The following OPRL1 variants were observed in gnomAD, a reference collection of about 807,000 sequenced individuals.
OPRL1 encodes the protein opioid related nociceptin receptor 1, also known as nociceptin receptor.
OPRL1 carries 5 observed loss-of-function variants against 15.5 expected under a neutral mutation model. That is an observed-to-expected ratio of 0.32 (90% confidence interval 0.17 to 0.68). The LOEUF is 0.68. Ranked by LOEUF, OPRL1 falls within the 30% of genes least tolerant of loss-of-function variation. The pLI is 0.72. For missense variants in OPRL1, 406 were observed against 515.3 expected (o/e 0.79, Z 2.05); for synonymous variants, 223 against 230.2 (o/e 0.97, Z 0.28).
rs2060104232 is a variant in OPRL1, at chr20:64,089,985, C to T, written c.-184-1981C>T. 1.3e-5 allele frequency among the ~76,000 whole-genome samples: 2 copies of T among 152,206 alleles called. No individual in the cohort carries two copies. The highest frequency in any genetic ancestry group is 4.1e-4 in the South Asian group (2 of 4,830). On this transcript the variant is annotated intron_variant, in intron 1 of 4. Transcript: ENST00000336866. This position sits in a 1 kb window ranked among gnomAD's most constrained non-coding sequence, Gnocchi z 5.5. ...TCTCGGCTCCTGAGGTCAGGGGGCT[C>T]ACCCTCGAGCTTTGCCTGGAGAGCG...
chr20:64,083,818 C>G lies in OPRL1; in HGVS notation c.-185+3466C>G. On this transcript the variant is annotated intron_variant, in intron 1 of 4. Coordinates refer to ENST00000336866, the MANE Select transcript of OPRL1 (RefSeq NM_182647.4). The surrounding 1 kb of genome is among the most constrained non-coding windows in gnomAD (Gnocchi z 4.9). ...CTGCCCTCCGACCCCCTCGCCTCAC[C>G]CGCATGCGGGTGTAGCGCAGCCGCA... 2.2e-6 allele frequency: 3 copies of G among 1,359,536 alleles called. No homozygotes were observed. In the South Asian group the frequency reaches 5.2e-5, roughly 24 times the overall value. The allele number at this position is 1,359,536 out of a possible 1,614,324, so 84.2% of individuals were successfully genotyped here. A position where few individuals can be genotyped will look rare whatever the true frequency, so the allele number is the denominator to read the frequency against.
In OPRL1 at chr20:64,100,546, G is replaced by T. The variant is rs993940145; in HGVS notation, c.*1747G>T. The T allele has an allele frequency of 1.3e-5, 2 of 152,240 alleles. No individual in the cohort carries two copies. The highest frequency in any genetic ancestry group is 2.4e-5 in the African/African-American group (1 of 41,450). The allele number at this position is 152,240 out of a possible 1,614,324, so 9.4% of individuals were successfully genotyped here. A position where few individuals can be genotyped will look rare whatever the true frequency, so the allele number is the denominator to read the frequency against. Reference sequence around the variant, plus strand: ...TCACGTATTTATGCATGTGGCAAGCGTTACTTCCTGTGCACGTAGCCAGCC... The same window carrying T: ...TCACGTATTTATGCATGTGGCAAGCTTTACTTCCTGTGCACGTAGCCAGCC... On this transcript the variant is annotated 3_prime_UTR_variant, in exon 5 of 5. Transcript: ENST00000336866.
At chr20:64,091,613 G>T (rs930628625) in intron 1 of OPRL1, among the ~76,000 whole-genome samples, 8 of 152,178 alleles carry the variant, frequency 5.3e-5, no homozygotes, top group African/African-American at 1.7e-4. Flanking sequence ...CGGGAGCCCA[G>T]CTGGGGGGTC....
chr20:64,091,710 C>G (rs999002268), intron 1 of OPRL1, among the ~76,000 whole-genome samples: 3 of 152,148 alleles, frequency 2.0e-5, no homozygotes, highest in African/African-American at 7.2e-5. Flanking sequence ...TGTCCTGTGT[C>G]TCCAATCCTG....
Position 64,097,741 on chromosome 20 carries a change from T to G in OPRL1, c.234-61T>G, listed in dbSNP as rs1457667729. 2 of 1,479,850 alleles carry G rather than the reference T, an allele frequency of 1.4e-6. No individual in the cohort carries two copies. Among genetic ancestry groups the G allele is most frequent in the African/African-American group, 2.8e-5 (2 of 72,192 alleles). The allele number at this position is 1,479,850 out of a possible 1,614,324, so 91.7% of individuals were successfully genotyped here. A position where few individuals can be genotyped will look rare whatever the true frequency, so the allele number is the denominator to read the frequency against. On this transcript the variant is annotated intron_variant, in intron 3 of 4. Coordinates refer to ENST00000336866, the MANE Select transcript of OPRL1 (RefSeq NM_182647.4). This position sits in a 1 kb window ranked among gnomAD's most constrained non-coding sequence, Gnocchi z 4.2. ...GGTGGCCAAGAGGAGCCCCTTGCCC[T>G]TTGCTGCCTGGTCCAGCCAGCATGG...
At chr20:64,092,557 G>A (rs1010638112) in intron 2 of OPRL1, 131 bp from the exon 3 acceptor site, 7 of 633,342 alleles carry the variant, frequency 1.1e-5, no homozygotes, top group African/African-American at 1.8e-5. Flanking sequence ...GTGTGTGCCC[G>A]TGTGCCTCAG....
At chr20:64,092,504 T>C (rs2060129872) in intron 2 of OPRL1, among the ~76,000 whole-genome samples, 184 bp from the exon 3 acceptor site, 1 of 152,162 alleles carries the variant, frequency 6.6e-6, no homozygotes, top group Non-Finnish European at 1.5e-5. Context: ...TCCTCGTGTC[T>C]CCATGTGTCC....
chr20:64,092,630 G>C (rs888163931), intron 2 of OPRL1, 58 bp from the exon 3 acceptor site: 5 of 1,379,986 alleles, frequency 3.6e-6, no homozygotes, highest in Non-Finnish European at 5.0e-6. Context: ...TGGGTTGTGA[G>C]GCCTCCGCTG....
rs2145624985 is a variant in OPRL1, at chr20:64,097,448, T to G, written c.234-354T>G. Among the ~76,000 whole-genome samples the G allele has an allele frequency of 6.6e-6, 1 of 152,344 alleles. No individual in the cohort carries two copies. The highest frequency in any genetic ancestry group is 1.5e-5 in the Non-Finnish European group (1 of 68,034). ...AAGCAAGGGGAGCAGACTCTTTCCC[T>G]TAGGGCTCTAAACCTTTGCTCCTGT... On this transcript the variant is annotated intron_variant, in intron 3 of 4. Transcript: ENST00000336866. The surrounding 1 kb of genome is among the most constrained non-coding windows in gnomAD (Gnocchi z 4.2).
chr20:64,088,471 G>C (rs1001029532), intron 1 of OPRL1, among the ~76,000 whole-genome samples: 1 of 151,406 alleles, frequency 6.6e-6, no homozygotes, highest in East Asian at 2.0e-4. Context: ...GTCCAGGGAG[G>C]GCAGGATCTG....
chr20:64,088,910 A>AAG (rs1289218034), intron 1 of OPRL1, among the ~76,000 whole-genome samples: 2 of 147,560 alleles, frequency 1.4e-5, no homozygotes, highest in Admixed American at 1.3e-4. Context: ...GGGTCTGTGC[A>AAG]GAGTGGCCAG....
intron 1 of OPRL1, chr20:64,084,940 A>AGAACCTCC (rs1285561572): frequency 6.6e-6 from 1 of 152,238 alleles, no homozygotes; most frequent in Non-Finnish European, 1.5e-5. Flanking sequence ...TCTGGTCGGA[A>AGAACCTCC]GAACCTCCGC....
chr20:64,097,875 A>G lies in OPRL1; in HGVS notation c.307A>G (p.Thr103Ala), dbSNP rs1281246965. ...LALADTLVLL[T>A]LPFQGTDILL... ...CCTGGCCGACACTCTGGTCCTGCTG[A>G]CGCTGCCCTTCCAGGGCACGGACAT... The change falls in exon 4 of 5, where the codon ACG (threonine) becomes GCG (alanine). Residue 103 changes from threonine (T) to alanine (A), a missense_variant. Transcript: ENST00000336866. This position sits in a 1 kb window ranked among gnomAD's most constrained non-coding sequence, Gnocchi z 4.2. The G allele has an allele frequency of 6.2e-7, 1 of 1,613,596 alleles. No homozygotes were observed. The highest frequency in any genetic ancestry group is 1.7e-5 in the Admixed American group (1 of 60,026).
chr20:64,080,967 T>G lies in OPRL1; in HGVS notation c.-185+615T>G, dbSNP rs557528962. Reference sequence around the variant, plus strand: ...CATTCAACGGACAAGTATCAGTATCTGGGTGCCCCTGTGGGCCAGGCAGTA... The same window carrying G: ...CATTCAACGGACAAGTATCAGTATCGGGGTGCCCCTGTGGGCCAGGCAGTA... On this transcript the variant is annotated intron_variant, in intron 1 of 4. Transcript: ENST00000336866. Among the ~76,000 whole-genome samples, 41 of 152,196 alleles carry G rather than the reference T, an allele frequency of 2.7e-4. No homozygotes were observed. The South Asian group carries it at 8.3e-3, about 31-fold the overall frequency.
chr20:64,088,485 A>AGG (rs2060075681), intron 1 of OPRL1, among the ~76,000 whole-genome samples: 1 of 150,218 alleles, frequency 6.7e-6, no homozygotes, highest in African/African-American at 2.5e-5. Context: ...GGATCTGTAC[A>AGG]GAGGGACCAA....
In OPRL1 at chr20:64,092,756, T is replaced by A; in HGVS notation, c.36T>A (p.Val12=). Residue 12 remains valine (V), a synonymous_variant, in exon 3 of 5, where the codon GTT becomes GTA. Transcript: ENST00000336866. ...EPLFPAPFWE[V]IYGSHLQGNL... ...TCTTCCCCGCGCCGTTCTGGGAGGT[T>A]ATCTACGGCAGCCACCTTCAGGGCA... 1.2e-6 allele frequency: 2 copies of A among 1,612,706 alleles called. No individual in the cohort carries two copies. The highest frequency in any genetic ancestry group is 1.7e-6 in the Non-Finnish European group (2 of 1,179,938).
At chr20:64,084,064 C>A (rs1027618895) in intron 1 of OPRL1, 1 of 1,498,680 alleles carries the variant, frequency 6.7e-7, no homozygotes, top group Non-Finnish European at 8.8e-7. Flanking sequence ...GGAGCATGGC[C>A]GCCAGTCCCT....
chr20:64,096,300 C>A (rs967629288), intron 3 of OPRL1, among the ~76,000 whole-genome samples: 3 of 152,066 alleles, frequency 2.0e-5, no homozygotes, highest in Admixed American at 6.5e-5. Context: ...CCCGAGAGGC[C>A]GCATGCAGCA....
chr20:64,095,238 G>A (rs192023853), intron 3 of OPRL1, among the ~76,000 whole-genome samples: 12,176 of 31,230 alleles, frequency 0.39, 3,079 homozygotes, highest in East Asian at 0.52. Context: ...TGGGGGGATA[G>A]TGGGGGGATA....
Sources: allele counts gnomAD v4.1 joint callset (sites outside exome capture counted in the v4.1 genomes callset), GRCh38; gene constraint gnomAD v4.1.1; non-coding constraint Gnocchi (gnomAD v3.1); transcripts MANE v1.5; gene names NCBI Gene and HGNC (gene_info 2026-07-23, HGNC 2026-07-21).